The following MYLK4 variants were observed in gnomAD, a reference collection of about 807,000 sequenced individuals.
MYLK4 encodes caMLCK like.
MYLK4 carries 46 observed loss-of-function variants against 48.1 expected under a neutral mutation model. That is an observed-to-expected ratio of 0.96 (90% CI 0.75 to 1.22). The LOEUF (loss-of-function observed/expected upper bound fraction) is 1.22. Among genes scored for constraint, MYLK4 ranks in the 50% most tolerant of loss-of-function variants. The pLI is 0.00. For synonymous variants in MYLK4, 170 were observed against 180.8 expected, an observed-to-expected ratio of 0.94 and a Z score of 0.48; for missense variants, 451 against 486.1, an observed-to-expected ratio of 0.93 and a Z score of 0.68.
In MYLK4 at chr6:2,679,279, C is replaced by T. The variant is rs760535509; in HGVS notation, c.887+1G>A. 2 of 1,613,938 alleles carry T rather than the reference C, an allele frequency of 1.2e-6. No homozygotes were observed. Among genetic ancestry groups the T allele is most frequent in the East Asian group, 2.2e-5 (1 of 44,888 alleles). ...GTCAGAGACAGAGGAGAGCTACTCA[C>T]AGCATATAGGCGATGACCCCCACAC... On this transcript the variant is annotated splice_donor_variant, in intron 9 of 12. Transcript: ENST00000274643. LOFTEE classifies it high-confidence loss of function.
chr6:2,766,190 G>C, the MYLK4 span: 1 of 1,396,334 alleles, frequency 7.2e-7, no homozygotes, highest in Non-Finnish European at 9.3e-7. Flanking sequence ...GGGGCACTGG[G>C]ACGCGGACGC....
chr6:2,714,891 G>C (rs183903900), intron 2 of MYLK4, among the ~76,000 whole-genome samples: 9 of 152,318 alleles, frequency 5.9e-5, no homozygotes, highest in Admixed American at 5.9e-4. Flanking sequence ...TCCATTTACA[G>C]TAGTCAAATT....
chr6:2,742,533 C>A (rs540435064), intron 2 of MYLK4, among the ~76,000 whole-genome samples: 1 of 151,042 alleles, frequency 6.6e-6, no homozygotes, highest in South Asian at 2.1e-4. Flanking sequence ...GAATACTATG[C>A]AGCCATAAAA....
chr6:2,685,153 G>A lies in MYLK4; in HGVS notation c.545+143C>T. 1.6e-6 allele frequency: 1 copy of A among 638,720 alleles called. No individual in the cohort carries two copies. Among genetic ancestry groups the A allele is most frequent in the South Asian group, 1.9e-5 (1 of 53,886 alleles). 39.6% of individuals were successfully genotyped at this position (638,720 alleles called of 1,614,324 possible). A position where few individuals can be genotyped will look rare whatever the true frequency, so the allele number is the denominator to read the frequency against. On this transcript the variant is annotated intron_variant, in intron 6 of 12. Transcript: ENST00000274643. This position sits in a 1 kb window ranked among gnomAD's most constrained non-coding sequence, Gnocchi z 4.5. ...CAAGTGTTTCCCTTCTAGAACTGAT[G>A]TGATTGTGTGATCCGCGCGAATCAG...
chr6:2,730,359 G>A (rs1219724249), intron 2 of MYLK4, among the ~76,000 whole-genome samples: 4 of 152,196 alleles, frequency 2.6e-5, no homozygotes, highest in African/African-American at 7.2e-5. Context: ...CCAGCATAGC[G>A]GGAGGAAGGA....
the MYLK4 span, chr6:2,768,732 T>C: frequency 6.2e-7 from 1 of 1,613,118 alleles, no homozygotes; most frequent in African/African-American, 1.3e-5. Flanking sequence ...GCAAGAAACA[T>C]AGCATAAGGT....
intron 2 of MYLK4, among the ~76,000 whole-genome samples, chr6:2,702,283 G>A (rs375542276): frequency 6.6e-6 from 1 of 152,208 alleles, no homozygotes; most frequent in Admixed American, 6.5e-5. Flanking sequence ...GAAAACCAAG[G>A]CAAACCAAGC....
chr6:2,696,426 G>C (rs537030738), intron 2 of MYLK4, among the ~76,000 whole-genome samples: 5 of 152,326 alleles, frequency 3.3e-5, no homozygotes, highest in African/African-American at 1.2e-4. Context: ...AAGGTGACTA[G>C]GTCATGATTG....
intron 2 of MYLK4, among the ~76,000 whole-genome samples, chr6:2,722,390 T>C (rs1193760039): frequency 1.3e-5 from 2 of 152,182 alleles, no homozygotes; most frequent in Non-Finnish European, 2.9e-5. Flanking sequence ...GTGCTTTACA[T>C]AGCTTTCAGC....
the MYLK4 span, chr6:2,766,289 C>T: frequency 4.4e-6 from 7 of 1,598,986 alleles, no homozygotes; most frequent in Non-Finnish European, 2.6e-6. Flanking sequence ...ACAGATGCTA[C>T]AGGGCAAGCC....
At chr6:2,706,331 A>T (rs1023237644) in intron 2 of MYLK4, among the ~76,000 whole-genome samples, 1 of 151,500 alleles carries the variant, frequency 6.6e-6, no homozygotes, top group Non-Finnish European at 1.5e-5. Context: ...GAAGCACGTT[A>T]TTCGTCACTC....
At position 2,743,726 on chromosome 6, in the gene MYLK4, G is replaced by A. The variant is rs79237410; in HGVS notation, c.159+5410C>T. On this transcript the variant is annotated intron_variant, in intron 2 of 12. Transcript: ENST00000274643. ...AGGTTCCCCAAAAGTTGGTGCAAGT[G>A]TTTGAAATGTGCCACATGCCACTAT... 6.5e-3 allele frequency among the ~76,000 whole-genome samples: 985 copies of A among 152,288 alleles called. 9 individuals carry two copies. The highest frequency in any genetic ancestry group is 0.022 in the African/African-American group (902 of 41,538).
At chr6:2,716,152 C>G (rs1762856419) in intron 2 of MYLK4, among the ~76,000 whole-genome samples, 1 of 152,198 alleles carries the variant, frequency 6.6e-6, no homozygotes, top group African/African-American at 2.4e-5. Flanking sequence ...TCTCTCTTTC[C>G]TAATTTCTTT....
the MYLK4 span, chr6:2,766,101 C>A: frequency 7.6e-6 from 10 of 1,316,768 alleles, no homozygotes; most frequent in Non-Finnish European, 9.6e-6. Flanking sequence ...TGGGACGAGG[C>A]GGAGGCGCAG....
At chr6:2,770,178 A>C in the MYLK4 span, 1 of 1,614,246 alleles carries the variant, frequency 6.2e-7, no homozygotes, top group Non-Finnish European at 8.5e-7. Context: ...GCAACCACTG[A>C]AAACCCTTCC....
chr6:2,673,210 G>A lies in MYLK4; in HGVS notation c.1119+1837C>T, dbSNP rs1327318721. Among the ~76,000 whole-genome samples, 1 of 152,138 alleles carries A rather than the reference G, an allele frequency of 6.6e-6. No individual in the cohort carries two copies. Among genetic ancestry groups the A allele is most frequent in the Non-Finnish European group, 1.5e-5 (1 of 68,012 alleles). On this transcript the variant is annotated intron_variant, in intron 11 of 12. Transcript: ENST00000274643. The surrounding 1 kb of genome is among the most constrained non-coding windows in gnomAD (Gnocchi z 4.2). Reference sequence around the variant, plus strand: ...AGTGTATTTGGACACCAATAAGCTTGGATAAAAATACATCGGTGGAAAATT... The same window carrying A: ...AGTGTATTTGGACACCAATAAGCTTAGATAAAAATACATCGGTGGAAAATT...
chr6:2,746,046 T>C (rs1266326611), intron 2 of MYLK4, among the ~76,000 whole-genome samples: 1 of 149,760 alleles, frequency 6.7e-6, no homozygotes, highest in Non-Finnish European at 1.5e-5. Flanking sequence ...AGGTCAGGAG[T>C]TTGAGACCAG....
intron 2 of MYLK4, among the ~76,000 whole-genome samples, chr6:2,724,788 T>C (rs1010097305): frequency 2.5e-4 from 38 of 152,300 alleles, no homozygotes; most frequent in African/African-American, 8.9e-4. Context: ...ATGATTAAGA[T>C]CATGTGACAG....
At chr6:2,765,869 C>G in the MYLK4 span, 1 of 1,443,434 alleles carries the variant, frequency 6.9e-7, no homozygotes, top group Non-Finnish European at 9.1e-7. Context: ...GCTGAAGCAG[C>G]CAGCCACCCC....
Sources: allele counts gnomAD v4.1 joint callset (sites outside exome capture counted in the v4.1 genomes callset), GRCh38; gene constraint gnomAD v4.1.1; non-coding constraint Gnocchi (gnomAD v3.1); transcripts MANE v1.5; gene names NCBI Gene and HGNC (gene_info 2026-07-23, HGNC 2026-07-21).